The following LMNB2 variants were observed in gnomAD, a reference collection of about 807,000 sequenced individuals.
LMNB2 encodes the protein lamin-B2.
In LMNB2, 17 loss-of-function variants were observed where a neutral mutation model predicts 69.3. The observed-to-expected ratio is 0.25, with a 90% CI of 0.17 to 0.37. The LOEUF is 0.37. Ranked by LOEUF, LMNB2 falls within the 10% of genes least tolerant of loss-of-function variation. The pLI is 1.00. For synonymous variants in LMNB2, 397 were observed against 389.3 expected, an observed-to-expected ratio of 1.02 and a Z score of -0.23; for missense variants, 789 against 883.6, an observed-to-expected ratio of 0.89 and a Z score of 1.36.
Position 2,447,215 on chromosome 19 carries a change from A to G in LMNB2, c.265-2675T>C, listed in dbSNP as rs373208881. 7.3e-4 allele frequency among the ~76,000 whole-genome samples: 111 copies of G among 152,304 alleles called. No individual in the cohort carries two copies. The highest frequency in any genetic ancestry group is 2.5e-3 in the African/African-American group (103 of 41,548). ...AAAATAAAAGCAATGCGGTCCCTCC[A>G]CCATCCACACACAGGAACATGACCC... On this transcript the variant is annotated intron_variant, in intron 1 of 11. Transcript: ENST00000325327. The surrounding 1 kb of genome is among the most constrained non-coding windows in gnomAD (Gnocchi z 4.4).
At chr19:2,432,347 C>T (rs1971750726) in intron 9 of LMNB2, 69 bp downstream of exon 9, 2 of 737,732 alleles carry the variant, frequency 2.7e-6, no homozygotes, top group Non-Finnish European at 4.5e-6. Flanking sequence ...AAGTCCTGTG[C>T]CTCCAGTCCC....
In LMNB2 at chr19:2,438,379, G is replaced by C; in HGVS notation, c.554C>G (p.Ala185Gly). ...CCCGTGGCTCCTGGCACCTACCTTG[G>C]CCAGCTGGGCCCGCAGCTCAGCCAC... is the stretch of plus-strand genomic sequence containing the variant. ...SDVAELRAQL[A>G]KAEDGHAVAK... The change falls in exon 3 of 12, where the codon GCC becomes GGC. Residue 185 changes from alanine to glycine, a missense_variant. Around this residue, in one of 3 missense-constraint regions of LMNB2, gnomAD observed 609 missense variants for 630.9 expected, o/e 0.97. Transcript: ENST00000325327. 1 of 1,612,912 alleles carries C rather than the reference G, an allele frequency of 6.2e-7. No individual in the cohort carries two copies. Among genetic ancestry groups the C allele is most frequent in the Non-Finnish European group, 8.5e-7 (1 of 1,179,894 alleles).
intron 1 of LMNB2, among the ~76,000 whole-genome samples, chr19:2,448,808 A>G (rs1389254601): frequency 2.6e-5 from 4 of 152,224 alleles, no homozygotes; most frequent in Non-Finnish European, 4.4e-5. Context: ...AGATTGGGCC[A>G]TTGCACTCCA....
At chr19:2,433,696 C>T (rs1375766721) in intron 8 of LMNB2, 130 bp downstream of exon 8, 13 of 1,170,252 alleles carry the variant, frequency 1.1e-5, no homozygotes, top group Non-Finnish European at 1.6e-5. Flanking sequence ...CCCCGTTACC[C>T]CCATGCCCCG....
rs58800585 is a variant in LMNB2 at position 2,454,292 on chromosome 19, C to CAAAAA, written c.264+2373_264+2377dup. On this transcript the variant is annotated intron_variant, in intron 1 of 11. Coordinates refer to ENST00000325327, the MANE Select transcript of LMNB2 (RefSeq NM_032737.4). ...TGGACGACGGAGCGAGACTCTATCTCAAAAAAAAAAAAAAAAAAAAAGAAA... is the reference window on the plus strand; with the variant it reads ...TGGACGACGGAGCGAGACTCTATCTCAAAAAAAAAAAAAAAAAAAAAAAAAAGAAA... 7.6e-3 allele frequency among the ~76,000 whole-genome samples: 611 copies of CAAAAA among 80,884 alleles called. 8 individuals are homozygous for CAAAAA. Among genetic ancestry groups the CAAAAA allele is most frequent in the African/African-American group, 0.026 (585 of 22,386 alleles). 53.1% of individuals were successfully genotyped at this position (80,884 alleles called of 152,430 possible).
intron 2 of LMNB2, among the ~76,000 whole-genome samples, chr19:2,441,973 C>T (rs1372846628): frequency 1.3e-5 from 2 of 152,256 alleles, no homozygotes; most frequent in African/African-American, 4.8e-5. Context: ...TTCCGCAGGA[C>T]TGCAGGGCAC....
At chr19:2,434,966 C>T in intron 5 of LMNB2, 35 bp downstream of exon 5, 3 of 1,588,094 alleles carry the variant, frequency 1.9e-6, no homozygotes, top group Non-Finnish European at 2.6e-6. Context: ...GGGGTTCCCA[C>T]CGGCCGCCCC....
At chr19:2,432,076 G>C (rs902573672) in intron 9 of LMNB2, among the ~76,000 whole-genome samples, 174 bp from the exon 10 acceptor site, 13 of 152,134 alleles carry the variant, frequency 8.5e-5, no homozygotes, top group Admixed American at 5.2e-4. Context: ...AGAGACCAGG[G>C]TTCACAGAGG....
chr19:2,442,750 A>C (rs1971912909), intron 2 of LMNB2, among the ~76,000 whole-genome samples: 1 of 152,112 alleles, frequency 6.6e-6, no homozygotes, highest in African/African-American at 2.4e-5. Flanking sequence ...CTTAATGAAA[A>C]GGAAAAGACG....
Position 2,438,271 on chromosome 19 carries a change from T to C in LMNB2, c.576A>G (p.Ala192=). The change falls in exon 4 of 12, where the codon GCA becomes GCG. Residue 192 remains alanine, a synonymous_variant. Transcript: ENST00000325327. ...AQLAKAEDGH[A]VAKKQLEKET... ...CCTTCTCCAGCTGCTTTTTGGCCAC[T>C]GCATGACCGTCCTCGGCCTGGGAGA... 1 of 1,614,042 alleles carries C rather than the reference T, an allele frequency of 6.2e-7. No homozygotes were observed. Among genetic ancestry groups the C allele is most frequent in the Non-Finnish European group, 8.5e-7 (1 of 1,180,020 alleles).
At chr19:2,455,431 C>A (rs1972076312) in intron 1 of LMNB2, among the ~76,000 whole-genome samples, 1 of 152,040 alleles carries the variant, frequency 6.6e-6, no homozygotes, top group Non-Finnish European at 1.5e-5. Context: ...CGCCAAGTCT[C>A]CTTGGAATCC....
chr19:2,455,328 G>T (rs1453239609), intron 1 of LMNB2, among the ~76,000 whole-genome samples: 1 of 151,162 alleles, frequency 6.6e-6, no homozygotes, highest in Non-Finnish European at 1.5e-5. Flanking sequence ...TCTCCTTGGA[G>T]CCCAGAGACC....
rs1455579891 is a variant in LMNB2 at position 2,453,472 on chromosome 19, A to C, written c.264+3198T>G. Among the ~76,000 whole-genome samples, 25 of 138,178 alleles carry C rather than the reference A, an allele frequency of 1.8e-4. No homozygotes were observed. Among genetic ancestry groups the C allele is most frequent in the South Asian group, 4.7e-4 (2 of 4,300 alleles). 90.7% of individuals were successfully genotyped at this position (138,178 alleles called of 152,430 possible). On this transcript the variant is annotated intron_variant, in intron 1 of 11. Transcript: ENST00000325327. The surrounding 1 kb of genome is among the most constrained non-coding windows in gnomAD (Gnocchi z 4.4). ...TGACGTCCCCCCACCAGCGGCCCCC[A>C]CCCCAGCAGGCTTCCAACTCTGCTC...
rs1275826305 is a variant in LMNB2, at chr19:2,429,317, C to CGGGG, written c.*1593_*1594insCCCC. On this transcript the variant is annotated 3_prime_UTR_variant, in exon 12 of 12. Transcript: ENST00000325327. ...TCCCCGGGGCAGGCAAAGCTCCCTA[C>CGGGG]CAGCCGCCTGACTGGGAGCACAGCG... 6.6e-6 allele frequency: 1 copy of CGGGG among 152,270 alleles called. No homozygotes were observed. Among genetic ancestry groups the CGGGG allele is most frequent in the Admixed American group, 6.5e-5 (1 of 15,294 alleles). The allele number at this position is 152,270 out of a possible 1,614,324, so 9.4% of individuals were successfully genotyped here.
chr19:2,449,346 G>A lies in LMNB2; in HGVS notation c.265-4806C>T, dbSNP rs534294602. On this transcript the variant is annotated intron_variant, in intron 1 of 11. Transcript: ENST00000325327. The stretch of plus-strand genomic sequence containing the variant: ...GCTTCCACCATCCGGGAGTGTGGGA[G>A]TGCACTCTACCATGCCCACACAAGG... Among the ~76,000 whole-genome samples, 5 of 152,336 alleles carry A rather than the reference G, an allele frequency of 3.3e-5. No individual in the cohort carries two copies. The South Asian group carries it at 1.0e-3, about 32-fold the overall frequency.
chr19:2,443,320 C>T lies in LMNB2; in HGVS notation c.401+1084G>A, dbSNP rs1009543039. Reference sequence around the variant, plus strand: ...GGAAGTCAGCTCTCCACGGGAGCAGCGCCAGCCCAGGAAGGAGGAGGGCGT... The same window carrying T: ...GGAAGTCAGCTCTCCACGGGAGCAGTGCCAGCCCAGGAAGGAGGAGGGCGT... On this transcript the variant is annotated intron_variant, in intron 2 of 11. Transcript: ENST00000325327. The surrounding 1 kb of genome is among the most constrained non-coding windows in gnomAD (Gnocchi z 6.2). Among the ~76,000 whole-genome samples, 22 of 152,320 alleles carry T rather than the reference C, an allele frequency of 1.4e-4. No individual in the cohort carries two copies. Among genetic ancestry groups the T allele is most frequent in the African/African-American group, 5.1e-4 (21 of 41,576 alleles).
rs751633226 is a variant in LMNB2, at chr19:2,431,812, G to A, written c.1681C>T (p.Arg561Cys). The A allele has an allele frequency of 8.7e-5, 141 of 1,613,660 alleles. No individual in the cohort carries two copies. The highest frequency in any genetic ancestry group is 3.3e-4 in the Middle Eastern group (2 of 6,084). Residue 561 changes from arginine (R) to cysteine (C), a missense_variant, in exon 10 of 12, where the codon CGC (arginine) becomes TGC (cysteine). Physicochemically the swap from Arg to Cys is radical, Grantham distance 180. This residue lies in a region of LMNB2 where 609 missense variants were observed against 630.9 expected (regional missense o/e 0.97). Coordinates refer to ENST00000325327, the MANE Select transcript of LMNB2 (RefSeq NM_032737.4). ...CCATCCGCGTTAACCAGGACGGTGC[G>A]GAAGCTCTCGCCCGTGCCCCAGCTG... Reference protein sequence around the residue: ...QSSWGTGESFRTVLVNADGEE... With the variant: ...QSSWGTGESFCTVLVNADGEE...
In LMNB2 at chr19:2,430,102, C is replaced by T. The variant is rs1362640084; in HGVS notation, c.*809G>A. ...CAGACAGCTGTTCTGAAACTCACAGCTTCTGCCTCCAAGGCAACCAGATGT... is the reference window on the plus strand; with the variant it reads ...CAGACAGCTGTTCTGAAACTCACAGTTTCTGCCTCCAAGGCAACCAGATGT... On this transcript the variant is annotated 3_prime_UTR_variant, in exon 12 of 12. Coordinates refer to ENST00000325327, the MANE Select transcript of LMNB2 (RefSeq NM_032737.4). 6.5e-6 allele frequency: 1 copy of T among 153,482 alleles called. No homozygotes were observed. Among genetic ancestry groups the T allele is most frequent in the Non-Finnish European group, 1.4e-5 (1 of 69,046 alleles). The allele number at this position is 153,482 out of a possible 1,614,324, so 9.5% of individuals were successfully genotyped here. A position where few individuals can be genotyped will look rare whatever the true frequency, so the allele number is the denominator to read the frequency against.
At chr19:2,449,511 G>A (rs1971995862) in intron 1 of LMNB2, among the ~76,000 whole-genome samples, 2 of 152,238 alleles carry the variant, frequency 1.3e-5, no homozygotes, top group East Asian at 1.9e-4. Context: ...CCGGTGCGCT[G>A]GTGCATGCCT....
Sources: gnomAD v4.1 joint callset for allele counts (sites outside exome capture counted in the v4.1 genomes callset) on GRCh38, gnomAD v4.1.1 for gene constraint, gnomAD v4.1.1 regional missense constraint, Gnocchi (gnomAD v3.1) non-coding constraint, MANE v1.5 for transcripts, NCBI Gene and HGNC (gene_info 2026-07-23, HGNC 2026-07-21) for gene names.